Variants in SH2B2 observed in about 807,000 individuals in gnomAD.
SH2B2 encodes SH2B adaptor protein 2.
In SH2B2, 37 loss-of-function variants were observed where a neutral mutation model predicts 35.7. That is an observed-to-expected ratio of 1.04 (90% confidence interval 0.80 to 1.36). The LOEUF (loss-of-function observed/expected upper bound fraction) is 1.36. SH2B2 is among the 40% of genes most tolerant of loss of function. SH2B2 has a pLI of 0.00. For synonymous variants in SH2B2, 383 were observed against 376.4 expected (o/e 1.02, Z -0.20); for missense variants, 852 against 817.7 (o/e 1.04, Z -0.51).
In SH2B2 at chr7:102,314,524, C is replaced by G; in HGVS notation, c.1028C>G (p.Pro343Arg). 2.5e-6 allele frequency: 1 copy of G among 398,722 alleles called. No homozygotes were observed. Among genetic ancestry groups the G allele is most frequent in the Non-Finnish European group, 4.4e-6 (1 of 226,196 alleles). The allele number at this position is 398,722 out of a possible 1,614,324, so 24.7% of individuals were successfully genotyped here. Residue 343 changes from proline to arginine, a missense_variant, in exon 6 of 9, where the codon CCC (proline) becomes CGC (arginine). By Grantham distance (103) the Pro-to-Arg change is moderately radical (BLOSUM62 -2). Transcript: ENST00000444095. ...CELLTDAVDL[P>R]RPPETTAVGA... ...GCCACTTCCCCAGCAGTCGACCTGC[C>G]CCGCCCCCCAGAGACGACAGCCGTG... is the stretch of plus-strand genomic sequence containing the variant.
intron 1 of SH2B2, among the ~76,000 whole-genome samples, chr7:102,294,288 A>C (rs1792817218): frequency 6.6e-6 from 1 of 152,118 alleles, no homozygotes; most frequent in Non-Finnish European, 1.5e-5. Context: ...TCGGCCTCCC[A>C]AAGTGCTGGG....
Position 102,312,165 on chromosome 7 carries a change from A to G in SH2B2, c.924-2171A>G, listed in dbSNP as rs185623125. 2.3e-3 allele frequency among the ~76,000 whole-genome samples: 349 copies of G among 151,912 alleles called. 2 individuals carry two copies. The highest frequency in any genetic ancestry group is 8.2e-3 in the African/African-American group (340 of 41,428). On this transcript the variant is annotated intron_variant, in intron 4 of 8. Transcript: ENST00000444095. ...GAGGCAGGCGGATCACGAGGTCAGG[A>G]GTTTGAGACCAGCTTGGCCAACATG...
intron 2 of SH2B2, among the ~76,000 whole-genome samples, chr7:102,302,989 T>C (rs1793249459): frequency 6.6e-6 from 1 of 151,888 alleles, no homozygotes; most frequent in African/African-American, 2.4e-5. Context: ...ATCCCAGCAC[T>C]TTGGGAGGCC....
intron 1 of SH2B2, among the ~76,000 whole-genome samples, chr7:102,294,513 G>A (rs1340143282): frequency 1.3e-5 from 2 of 152,190 alleles, no homozygotes; most frequent in African/African-American, 2.4e-5. Flanking sequence ...TCTTGCCAGT[G>A]AGTGGTCAGA....
At chr7:102,316,188 G>A (rs1793822116) in intron 6 of SH2B2, among the ~76,000 whole-genome samples, 1 of 152,084 alleles carries the variant, frequency 6.6e-6, no homozygotes, top group Non-Finnish European at 1.5e-5. Flanking sequence ...GAGGTGGGAG[G>A]ATTGCTTGAG....
chr7:102,315,260 G>A (rs1793780538), intron 6 of SH2B2, among the ~76,000 whole-genome samples: 1 of 152,120 alleles, frequency 6.6e-6, no homozygotes, highest in African/African-American at 2.4e-5. Context: ...ATCCCAGCCA[G>A]TGTTTTTTGA....
chr7:102,301,076 ACGCGGCGCCTGAGGCTGT>A lies in SH2B2; in HGVS notation c.532_549del (p.Arg178_Arg183del). The A allele has an allele frequency of 7.2e-7, 1 of 1,395,830 alleles. No homozygotes were observed. Among genetic ancestry groups the A allele is most frequent in the East Asian group, 3.0e-5 (1 of 33,118 alleles). 86.5% of individuals were successfully genotyped at this position (1,395,830 alleles called of 1,614,324 possible). A position where few individuals can be genotyped will look rare whatever the true frequency, so the allele number is the denominator to read the frequency against. On this transcript the variant is annotated inframe_deletion, in exon 2 of 9. Transcript: ENST00000444095. ...CACCGCCGAGCCCCGCGACAAGTGG[ACGCGGCGCCTGAGGCTGT>A]CGCGGACGCTGGCTGCCAAGGTGGA...
At chr7:102,313,484 G>T (rs1474738340) in intron 4 of SH2B2, among the ~76,000 whole-genome samples, 6 of 151,984 alleles carry the variant, frequency 3.9e-5, no homozygotes, top group African/African-American at 1.2e-4. Context: ...TGGGGGTCTC[G>T]CTATGTTGCC....
chr7:102,306,680 G>A, intron 2 of SH2B2, 41 bp from the exon 3 acceptor site: 1 of 1,447,928 alleles, frequency 6.9e-7, no homozygotes. Context: ...AGGGTGTCGG[G>A]AAATGCTGGG....
intron 7 of SH2B2, among the ~76,000 whole-genome samples, chr7:102,318,233 G>A (rs1363789676): frequency 1.3e-5 from 2 of 152,128 alleles, no homozygotes; most frequent in Non-Finnish European, 2.9e-5. Flanking sequence ...CCGCCTCCCG[G>A]GTTCAAGCGA....
At chr7:102,313,295 A>G (rs1182108575) in intron 4 of SH2B2, among the ~76,000 whole-genome samples, 13 of 151,752 alleles carry the variant, frequency 8.6e-5, no homozygotes, top group African/African-American at 2.7e-4. Context: ...AAAAAAAAAA[A>G]AAATTAGCTG....
intron 2 of SH2B2, among the ~76,000 whole-genome samples, chr7:102,302,307 G>A (rs1219728762): frequency 6.6e-6 from 1 of 152,268 alleles, no homozygotes; most frequent in Non-Finnish European, 1.5e-5. Context: ...CTCCCTGGGA[G>A]GTCTGTGTCT....
Position 102,300,563 on chromosome 7 carries a change from G to T in SH2B2, c.13G>T (p.Gly5Cys), listed in dbSNP as rs372910013. ...TGGGACGGAAGCCATGAATGGTGCC[G>T]GCCCTGGCCCCGCCGCAGCCGCCCC... MNGAGPGPAAAAPVP... is the reference protein window; with the variant it reads MNGACPGPAAAAPVP... Residue 5 changes from glycine to cysteine, a missense_variant, in exon 2 of 9, where the codon GGC (glycine) becomes TGC (cysteine). Physicochemically the swap from Gly to Cys is radical, Grantham distance 159. Coordinates refer to ENST00000444095, the MANE Select transcript of SH2B2 (RefSeq NM_001359228.2). 1.6e-5 allele frequency: 25 copies of T among 1,546,188 alleles called. No individual in the cohort carries two copies. The African/African-American group carries it at 3.4e-4, about 21-fold the overall frequency.
intron 4 of SH2B2, chr7:102,309,589 G>C (rs953640033): frequency 1.9e-5 from 5 of 266,916 alleles, no homozygotes; most frequent in Admixed American, 9.9e-5. Flanking sequence ...TCGAACTCCA[G>C]ACCTCAAGTG....
At chr7:102,317,930 G>A (rs1554557436) in intron 7 of SH2B2, among the ~76,000 whole-genome samples, 2 of 152,088 alleles carry the variant, frequency 1.3e-5, no homozygotes, top group African/African-American at 4.8e-5. Context: ...GGCTGGGTGG[G>A]AGAGCTGTGC....
chr7:102,307,990 C>T (rs1317277379), intron 3 of SH2B2, among the ~76,000 whole-genome samples: 1 of 152,108 alleles, frequency 6.6e-6, no homozygotes, highest in Non-Finnish European at 1.5e-5. Flanking sequence ...AGGCTGGTCT[C>T]GAACTCCTGA....
chr7:102,309,177 C>A (rs1263899644), intron 4 of SH2B2: 3 of 577,052 alleles, frequency 5.2e-6, no homozygotes, highest in Non-Finnish European at 9.8e-6. Context: ...CCCAAGAGAG[C>A]CTCAGAGCAC....
intron 4 of SH2B2, among the ~76,000 whole-genome samples, chr7:102,313,261 A>AC (rs1379662983): frequency 8.8e-5 from 13 of 147,168 alleles, no homozygotes; most frequent in Non-Finnish European, 3.0e-5. Flanking sequence ...ACATGGTGAA[A>AC]CCCCATCTCT....
At chr7:102,286,199 T>C (rs984798169), upstream of SH2B2, among the ~76,000 whole-genome samples, 4 of 152,080 alleles carry the variant, frequency 2.6e-5, no homozygotes, top group Non-Finnish European at 5.9e-5. Context: ...GAAGGCTGGG[T>C]GGTGGGGGCA....
Sources: allele counts gnomAD v4.1 joint callset (sites outside exome capture counted in the v4.1 genomes callset), GRCh38; gene constraint gnomAD v4.1.1; transcripts MANE v1.5; gene names NCBI Gene and HGNC (gene_info 2026-07-23, HGNC 2026-07-21).